The following MGAM2 variants were observed in gnomAD, a reference collection of about 807,000 sequenced individuals.
MGAM2 encodes maltase-glucoamylase 2 (putative), also known as probable maltase-glucoamylase 2.
MGAM2 carries 98 observed loss-of-function variants against 96.1 expected under a neutral mutation model. The ratio of observed to expected loss-of-function variants is 1.02; its 90% CI spans 0.87 to 1.21. The LOEUF is 1.21. Among genes scored for constraint, MGAM2 ranks in the 50% most tolerant of loss-of-function variants. MGAM2 has a pLI of 0.00. For synonymous variants in MGAM2, 749 were observed against 414.8 expected, an observed-to-expected ratio of 1.81 and a Z score of -9.79; for missense variants, 2,055 against 1,182.4, an observed-to-expected ratio of 1.74 and a Z score of -10.82.
At position 142,214,515 on chromosome 7, in the gene MGAM2, T is replaced by C. The variant is rs191091263; in HGVS notation, c.5188-3846T>C. On this transcript the variant is annotated intron_variant, in intron 46 of 47. Transcript: ENST00000477922. ...CACAAGCATTTCGATACACCAATAA[T>C]AGACAGCCAAATCATGAGCAAACTC... 1.5e-3 allele frequency among the ~76,000 whole-genome samples: 227 copies of C among 151,674 alleles called. 3 individuals carry two copies. Among genetic ancestry groups the C allele is most frequent in the African/African-American group, 5.3e-3 (220 of 41,436 alleles).
chr7:142,208,271 G>A (rs904149283), intron 45 of MGAM2: 35 of 521,206 alleles, frequency 6.7e-5, no homozygotes, highest in African/African-American at 4.9e-4. Flanking sequence ...TTGCTGTCTC[G>A]CACAGAATAA....
intron 32 of MGAM2, among the ~76,000 whole-genome samples, chr7:142,180,517 G>A (rs1796504990): frequency 6.6e-6 from 1 of 152,066 alleles, no homozygotes; most frequent in Non-Finnish European, 1.5e-5. Context: ...GTGTCTTAGG[G>A]ATGATTATCT....
rs1048913866 is a variant in MGAM2 at position 142,154,631 on chromosome 7, G to C, written c.1807-98G>C. 7.7e-6 allele frequency: 5 copies of C among 652,082 alleles called. No individual in the cohort carries two copies. In the African/African-American group the frequency reaches 8.9e-5, roughly 12 times the overall value. The allele number at this position is 652,082 out of a possible 1,614,324, so 40.4% of individuals were successfully genotyped here. On this transcript the variant is annotated intron_variant, in intron 16 of 47. Coordinates refer to ENST00000477922, the MANE Select transcript of MGAM2 (RefSeq NM_001293626.2). ...GGGATCTCCTTAAGCATGGGATGATGTGACAAAGAGGTTCTCTTTTCCCTT... is the reference window on the plus strand; with the variant it reads ...GGGATCTCCTTAAGCATGGGATGATCTGACAAAGAGGTTCTCTTTTCCCTT...
chr7:142,218,448 A>C lies in MGAM2; in HGVS notation c.5275A>C (p.Asn1759His). ...KVGYIRIWGV[N>H]TYVTQVSFTY... ...TGGGTATATTAGAATCTGGGGTGTG[A>C]ATACCTATGTGACACAAGTCAGTTT... Residue 1759 changes from asparagine to histidine, a missense_variant, in exon 47 of 48, where the codon AAT becomes CAT. Coordinates refer to ENST00000477922, the MANE Select transcript of MGAM2 (RefSeq NM_001293626.2). 2 of 702,638 alleles carry C rather than the reference A, an allele frequency of 2.8e-6. No individual in the cohort carries two copies. The highest frequency in any genetic ancestry group is 2.7e-5 in the East Asian group (1 of 37,230). 43.5% of individuals were successfully genotyped at this position (702,638 alleles called of 1,614,324 possible).
intron 32 of MGAM2, among the ~76,000 whole-genome samples, chr7:142,180,203 T>C (rs918817001): frequency 2.6e-5 from 4 of 152,194 alleles, no homozygotes; most frequent in African/African-American, 7.2e-5. Context: ...GGGTGTAATG[T>C]CATCTTTGTC....
chr7:142,174,177 C>T (rs1324686181), intron 31 of MGAM2, among the ~76,000 whole-genome samples: 1 of 152,088 alleles, frequency 6.6e-6, no homozygotes, highest in Non-Finnish European at 1.5e-5. Flanking sequence ...TTTTTGGTTA[C>T]ATATATGAAT....
Position 142,196,619 on chromosome 7 carries a change from T to C in MGAM2, c.4515+20T>C. 1.4e-6 allele frequency: 1 copy of C among 730,326 alleles called. No individual in the cohort carries two copies. The highest frequency in any genetic ancestry group is 2.5e-6 in the Non-Finnish European group (1 of 395,406). 45.2% of individuals were successfully genotyped at this position (730,326 alleles called of 1,614,324 possible). A position where few individuals can be genotyped will look rare whatever the true frequency, so the allele number is the denominator to read the frequency against. ...CCTTATGTAAGTCACATTCAGACCA[T>C]TACTAATTGCCCAGTCAGATTTTAG... On this transcript the variant is annotated intron_variant, in intron 39 of 47. Transcript: ENST00000477922.
At chr7:142,202,294 A>G (rs1214417241) in intron 45 of MGAM2, among the ~76,000 whole-genome samples, 2 of 152,182 alleles carry the variant, frequency 1.3e-5, no homozygotes, top group African/African-American at 4.8e-5. Flanking sequence ...CAAGTTCCTT[A>G]TATAAAATGA....
rs1795466720 is a variant in MGAM2 at position 142,148,814 on chromosome 7, G to A, written c.1634+1241G>A. On this transcript the variant is annotated intron_variant, in intron 15 of 47. Coordinates refer to ENST00000477922, the MANE Select transcript of MGAM2 (RefSeq NM_001293626.2). The surrounding 1 kb of genome is among the most constrained non-coding windows in gnomAD (Gnocchi z 4.2). ...GAGCACTGTTGTGCTCTACAAGACA[G>A]GGAGACTTTGATGGGTTTATGGGGC... Among the ~76,000 whole-genome samples the A allele has an allele frequency of 1.3e-5, 2 of 152,198 alleles. No individual in the cohort carries two copies. Among genetic ancestry groups the A allele is most frequent in the African/African-American group, 4.8e-5 (2 of 41,448 alleles).
intron 12 of MGAM2, among the ~76,000 whole-genome samples, chr7:142,143,544 A>G (rs1795296447): frequency 6.6e-6 from 1 of 152,206 alleles, no homozygotes; most frequent in Admixed American, 6.5e-5. Context: ...TGCACAGAAA[A>G]GGACTTATGG....
chr7:142,159,385 G>C, intron 20 of MGAM2, 42 bp downstream of exon 20: 1 of 700,634 alleles, frequency 1.4e-6, no homozygotes, highest in South Asian at 1.5e-5. Context: ...CCTGCCTCTA[G>C]CAGAGGGCAA....
Position 142,161,180 on chromosome 7 carries a change from G to C in MGAM2, c.2401G>C (p.Gly801Arg), listed in dbSNP as rs1409899803. Reference sequence around the variant, plus strand: ...CTTGGACTATAAGAGAGAAGCAAAGGGGGAGCTGTACTGGGATGACGGTGT... The same window carrying C: ...CTTGGACTATAAGAGAGAAGCAAAGCGGGAGCTGTACTGGGATGACGGTGT... ...IALDYKREAKGELYWDDGVSK... is the reference protein window; with the variant it reads ...IALDYKREAKRELYWDDGVSK... The change falls in exon 22 of 48, where the codon GGG becomes CGG. Residue 801 changes from glycine to arginine, a missense_variant. Coordinates refer to ENST00000477922, the MANE Select transcript of MGAM2 (RefSeq NM_001293626.2). 1 of 702,632 alleles carries C rather than the reference G, an allele frequency of 1.4e-6. No homozygotes were observed. The highest frequency in any genetic ancestry group is 1.7e-5 in the African/African-American group (1 of 57,246). The allele number at this position is 702,632 out of a possible 1,614,324, so 43.5% of individuals were successfully genotyped here. A position where few individuals can be genotyped will look rare whatever the true frequency, so the allele number is the denominator to read the frequency against.
At chr7:142,184,368 ACTATTTTAGTTTTTC>A (rs1335431297) in intron 33 of MGAM2, among the ~76,000 whole-genome samples, 3 of 152,148 alleles carry the variant, frequency 2.0e-5, no homozygotes, top group Non-Finnish European at 4.4e-5. Context: ...GCAGTTAGTA[ACTATTTTAGTTTTTC>A]CTATTTTCCC....
intron 23 of MGAM2, among the ~76,000 whole-genome samples, chr7:142,162,533 T>C (rs2129087083): frequency 6.6e-6 from 1 of 152,140 alleles, no homozygotes; most frequent in East Asian, 1.9e-4. Flanking sequence ...CTGACTTGAT[T>C]TTCTTAGAAG....
chr7:142,214,620 A>G (rs1463665371), intron 46 of MGAM2, among the ~76,000 whole-genome samples: 1 of 152,216 alleles, frequency 6.6e-6, no homozygotes, highest in Non-Finnish European at 1.5e-5. Flanking sequence ...TTCAAGGAGA[A>G]CTACAAACCA....
intron 15 of MGAM2, among the ~76,000 whole-genome samples, chr7:142,149,578 T>C (rs1795494021): frequency 6.6e-6 from 1 of 152,080 alleles, no homozygotes; most frequent in Admixed American, 6.5e-5. Flanking sequence ...TCTCGCTCTG[T>C]CGCCCAGGCT....
At chr7:142,217,089 C>A (rs1377025103) in intron 46 of MGAM2, among the ~76,000 whole-genome samples, 1 of 152,166 alleles carries the variant, frequency 6.6e-6, no homozygotes, top group African/African-American at 2.4e-5. Context: ...TCTCTTGACC[C>A]TCTTCCTCCC....
chr7:142,166,376 C>T (rs1796027285), intron 25 of MGAM2, 123 bp downstream of exon 25: 1 of 551,266 alleles, frequency 1.8e-6, no homozygotes, highest in Non-Finnish European at 3.2e-6. Context: ...TTTGCCAACT[C>T]TACATGATAG....
chr7:142,189,993 T>C (rs2129097451), intron 37 of MGAM2, among the ~76,000 whole-genome samples: 1 of 152,342 alleles, frequency 6.6e-6, no homozygotes, highest in African/African-American at 2.4e-5. Context: ...GTATCAGTAC[T>C]TGATTTCTTT....
Sources: gnomAD v4.1 joint callset for allele counts (sites outside exome capture counted in the v4.1 genomes callset) on GRCh38, gnomAD v4.1.1 for gene constraint, Gnocchi (gnomAD v3.1) non-coding constraint, MANE v1.5 for transcripts, NCBI Gene and HGNC (gene_info 2026-07-23, HGNC 2026-07-21) for gene names.